COL18A1: variants seen among roughly 807,000 people sequenced by gnomAD.
COL18A1 encodes collagen type XVIII alpha 1 chain.
In COL18A1, 133 loss-of-function variants were observed where a neutral mutation model predicts 168.0. The observed-to-expected ratio is 0.79, with a 90% CI of 0.69 to 0.91. The LOEUF is 0.91. Among genes scored for constraint, COL18A1 ranks in the 40% least tolerant of loss-of-function variants. The pLI is 0.00. For synonymous variants in COL18A1, 949 were observed against 809.0 expected (o/e 1.17, Z -2.94); for missense variants, 2,126 against 1,925.4 (o/e 1.10, Z -1.95).
In COL18A1 at chr21:45,510,993, ACACAACACACCCCCCC is replaced by A. The variant is rs1568954419; in HGVS notation, c.3694-116_3694-101del. On this transcript the variant is annotated intron_variant, in intron 40 of 41. Coordinates refer to ENST00000651438, the MANE Select transcript of COL18A1 (RefSeq NM_001379500.1). Reference sequence around the variant, plus strand: ...CCCAAACACCCCCCACACCCCACACACACAACACACCCCCCCCCCACACATCCACACCCCACATCCA... The same window carrying A: ...CCCAAACACCCCCCACACCCCACACACCCACACATCCACACCCCACATCCA... 23 of 174,330 alleles carry A rather than the reference ACACAACACACCCCCCC, an allele frequency of 1.3e-4. 1 individual carries two copies. Among genetic ancestry groups the A allele is most frequent in the East Asian group, 1.2e-3 (6 of 5,174 alleles). The allele number at this position is 174,330 out of a possible 1,614,324, so 10.8% of individuals were successfully genotyped here.
chr21:45,424,498 G>C (rs1369992635), intron 2 of COL18A1: 1 of 152,288 alleles, frequency 6.6e-6, no homozygotes, highest in African/African-American at 2.4e-5. Flanking sequence ...CCCCAGGGCA[G>C]CCGTGCCTGA....
intron 2 of COL18A1, among the ~76,000 whole-genome samples, chr21:45,447,712 C>T (rs555953798): frequency 8.5e-5 from 13 of 152,244 alleles, no homozygotes; most frequent in Non-Finnish European, 1.5e-4. Context: ...AATCGGGGGA[C>T]CTCTTGGCTC....
chr21:45,496,671 GGTCCTTCTAGGAT>G (rs1165911931), intron 30 of COL18A1, 103 bp downstream of exon 30: 1 of 765,664 alleles, frequency 1.3e-6, no homozygotes, highest in Non-Finnish European at 2.4e-6. Flanking sequence ...TGCGTCTGGG[GGTCCTTCTAGGAT>G]GTGCCAGTCT....
At chr21:45,452,763 TGTGA>T (rs1463133270) in intron 2 of COL18A1, among the ~76,000 whole-genome samples, 8 of 151,722 alleles carry the variant, frequency 5.3e-5, no homozygotes, top group South Asian at 2.1e-4. Flanking sequence ...TGTGTATGCA[TGTGA>T]GTATTCACTG....
chr21:45,466,487 C>T (rs551954769), intron 2 of COL18A1, among the ~76,000 whole-genome samples: 33 of 152,200 alleles, frequency 2.2e-4, no homozygotes, highest in Non-Finnish European at 3.5e-4. Context: ...GCTGAGCTCT[C>T]GCACCCGGGA....
intron 2 of COL18A1, among the ~76,000 whole-genome samples, chr21:45,438,976 G>A (rs923358891): frequency 2.0e-5 from 3 of 152,196 alleles, no homozygotes; most frequent in African/African-American, 7.2e-5. Flanking sequence ...GAAAGCCACA[G>A]GACGTGCTTA....
rs541072679 is a variant in COL18A1 at position 45,496,668 on chromosome 21, G to A, written c.2577+100G>A. ...TTCTTCTCCCCTGGCCTCTGCGTCT[G>A]GGGGTCCTTCTAGGATGTGCCAGTC... On this transcript the variant is annotated intron_variant, in intron 30 of 41. Coordinates refer to ENST00000651438, the MANE Select transcript of COL18A1 (RefSeq NM_001379500.1). The A allele has an allele frequency of 3.9e-6, 3 of 771,936 alleles. No homozygotes were observed. In the African/African-American group the frequency reaches 5.1e-5, roughly 13 times the overall value. 47.8% of individuals were successfully genotyped at this position (771,936 alleles called of 1,614,324 possible).
At chr21:45,438,336 A>T (rs1351284972) in intron 2 of COL18A1, among the ~76,000 whole-genome samples, 14 of 29,290 alleles carry the variant, frequency 4.8e-4, no homozygotes, top group East Asian at 3.1e-3. Context: ...GCACACACAC[A>T]CACTCACACA....
Position 45,448,298 on chromosome 21 carries a change from G to A in COL18A1, c.107-19944G>A, listed in dbSNP as rs552798998. On this transcript the variant is annotated intron_variant, in intron 2 of 41. Transcript: ENST00000651438. The stretch of plus-strand genomic sequence containing the variant: ...CATCTGTGTCCATATCCACACACAC[G>A]CATATCCACATGCACAGGTATCCAT... 1.5e-4 allele frequency among the ~76,000 whole-genome samples: 22 copies of A among 151,620 alleles called. No individual in the cohort carries two copies. The East Asian group carries it at 1.6e-3, about 11-fold the overall frequency.
chr21:45,493,221 C>T lies in COL18A1; in HGVS notation c.2273C>T (p.Pro758Leu). ...AAGGGCGAACGAGGCTCCCCGGGAC[C>T]CAAGGTAAGGGGCTCAGGTGCTGTC... ...GSKGERGSPG[P>L]KGEKGEPGSI... The change falls in exon 25 of 42, where the codon CCC becomes CTC. Residue 758 changes from proline to leucine, a missense_variant. Transcript: ENST00000651438. 1 of 1,558,126 alleles carries T rather than the reference C, an allele frequency of 6.4e-7. No homozygotes were observed. The highest frequency in any genetic ancestry group is 1.2e-5 in the South Asian group (1 of 84,662).
intron 2 of COL18A1, chr21:45,421,052 A>ACCCCCCCCCCCCCCCCCCCCCCCCC (rs71334065): frequency 5.0e-6 from 1 of 200,776 alleles, no homozygotes; most frequent in Non-Finnish European, 1.0e-5. Context: ...GACTCTGGCC[A>ACCCCCCCCCCCCCCCCCCCCCCCCC]CCCCCACCCC....
At chr21:45,484,385 T>C (rs1485422077) in intron 15 of COL18A1, among the ~76,000 whole-genome samples, 1 of 119,696 alleles carries the variant, frequency 8.4e-6, no homozygotes, top group South Asian at 2.7e-4. Context: ...CACACACATC[T>C]CCAGCATGTG....
intron 3 of COL18A1, among the ~76,000 whole-genome samples, chr21:45,472,604 C>A (rs1336009833): frequency 6.6e-6 from 1 of 152,132 alleles, no homozygotes; most frequent in Non-Finnish European, 1.5e-5. Context: ...GCTGCTGCCC[C>A]ACCCCCACGC....
In COL18A1 at chr21:45,477,902, C is replaced by G. The variant is rs533684137; in HGVS notation, c.1158C>G (p.Pro386=). Residue 386 remains proline (P), a synonymous_variant, in exon 8 of 42, where the codon CCC becomes CCG. Transcript: ENST00000651438. ...GPAGPALQTV[P]GPQGPPGPPG... ...CAGGCCCAGCGTTGCAAACTGTCCC[C>G]GGACCACAAGGACCCCCAGGGCCTC... 121 of 1,565,140 alleles carry G rather than the reference C, an allele frequency of 7.7e-5. No homozygotes were observed. The highest frequency in any genetic ancestry group is 6.4e-4 in the Admixed American group (34 of 53,470).
chr21:45,490,932 GGCCTCAGCTGCCCCAGGTCCGT>G (rs2036318507), intron 21 of COL18A1, 61 bp downstream of exon 21: 3 of 1,481,682 alleles, frequency 2.0e-6, no homozygotes, highest in Non-Finnish European at 2.8e-6. Flanking sequence ...CAGAAGGTTT[GGCCTCAGCTGCCCCAGGTCCGT>G]GCCCCTGCTG....
intron 2 of COL18A1, among the ~76,000 whole-genome samples, chr21:45,413,540 T>C (rs1013530282): frequency 1.3e-5 from 2 of 152,258 alleles, no homozygotes; most frequent in African/African-American, 4.8e-5. Context: ...AAGAGGCAGT[T>C]CCCGGAGGGA....
chr21:45,490,340 G>A lies in COL18A1; in HGVS notation c.2025G>A (p.Gly675=). 1 of 1,578,206 alleles carries A rather than the reference G, an allele frequency of 6.3e-7. No individual in the cohort carries two copies. Among genetic ancestry groups the A allele is most frequent in the African/African-American group, 1.3e-5 (1 of 74,296 alleles). ...PGLPGREGIA[G]PQGPKGDRGS... is the part of the protein sequence containing the mutation. ...TCCCTGGCAGAGAGGGCATTGCTGG[G>A]CCCCAGGTGAGTTGCCTTGGTGGGC... Residue 675 remains glycine, a synonymous_variant, in exon 20 of 42, where the codon GGG becomes GGA. Transcript: ENST00000651438.
At chr21:45,411,059 C>T (rs984620835) in intron 2 of COL18A1, among the ~76,000 whole-genome samples, 26 of 152,194 alleles carry the variant, frequency 1.7e-4, no homozygotes, top group African/African-American at 5.8e-4. Context: ...TTCAGGTGGA[C>T]GCTGCAGCTG....
At chr21:45,504,246 G>A (rs770081772) in intron 33 of COL18A1, 170 bp from the exon 34 acceptor site, 56 of 879,598 alleles carry the variant, frequency 6.4e-5, no homozygotes, top group East Asian at 1.6e-4. Context: ...TGGGGGACTC[G>A]GCTGATGCAG....
Sources: allele counts gnomAD v4.1 joint callset (sites outside exome capture counted in the v4.1 genomes callset), GRCh38; gene constraint gnomAD v4.1.1; transcripts MANE v1.5; gene names NCBI Gene and HGNC (gene_info 2026-07-23, HGNC 2026-07-21).